Variants in ABCG5 observed in about 807,000 individuals in gnomAD.
The protein encoded by ABCG5 is ATP binding cassette subfamily G member 5.
In ABCG5, 64 loss-of-function variants were observed where a neutral mutation model predicts 64.5. That is an observed-to-expected ratio of 0.99 (90% CI 0.81 to 1.22). The LOEUF is 1.22. ABCG5 is among the 50% of genes most tolerant of loss of function. The pLI is 0.00. For missense variants in ABCG5, 908 were observed against 829.5 expected (o/e 1.09, Z -1.16); for synonymous variants, 385 against 326.3 (o/e 1.18, Z -1.94).
At chr2:43,806,636 T>C in the ABCG5 span, among the ~76,000 whole-genome samples, 3,305 of 152,270 alleles carry the variant, frequency 0.022, 83 homozygotes, top group African/African-American at 0.062. Flanking sequence ...GATTAACTGT[T>C]GTTGTTGATA....
the ABCG5 span, among the ~76,000 whole-genome samples, chr2:43,806,242 C>T: frequency 5.9e-5 from 9 of 152,202 alleles, no homozygotes; most frequent in South Asian, 1.2e-3. Context: ...TAAAATGAGA[C>T]GTTGTACAGA....
At chr2:43,809,902 G>C (rs1379509032), downstream of ABCG5, 5 of 1,424,778 alleles carry the variant, frequency 3.5e-6, no homozygotes, top group Non-Finnish European at 4.6e-6. Context: ...GGATTTCTTG[G>C]ACTAGTGCAT....
chr2:43,834,688 G>C (rs1668152604), intron 2 of ABCG5, among the ~76,000 whole-genome samples: 1 of 152,224 alleles, frequency 6.6e-6, no homozygotes, highest in African/African-American at 2.4e-5. Flanking sequence ...GGATCATAAG[G>C]TTAATGCCCT....
chr2:43,814,036 C>T (rs969796143), intron 12 of ABCG5, among the ~76,000 whole-genome samples: 6 of 152,060 alleles, frequency 3.9e-5, no homozygotes, highest in South Asian at 4.1e-4. Flanking sequence ...TTCTAATGGC[C>T]ATGAGGTCCT....
At chr2:43,823,639 G>A (rs1032965604) in intron 9 of ABCG5, among the ~76,000 whole-genome samples, 2 of 152,124 alleles carry the variant, frequency 1.3e-5, no homozygotes, top group African/African-American at 4.8e-5. Context: ...TAGGAGGAAT[G>A]ATCTTTTGAA....
Position 43,822,870 on chromosome 2 carries a change from T to G in ABCG5, c.1390A>C (p.Met464Leu). 6.2e-7 allele frequency: 1 copy of G among 1,614,144 alleles called. No individual in the cohort carries two copies. Among genetic ancestry groups the G allele is most frequent in the Non-Finnish European group, 8.5e-7 (1 of 1,180,026 alleles). The change falls in exon 10 of 13, where the codon ATG becomes CTG. Residue 464 changes from methionine to leucine, a missense_variant. Transcript: ENST00000405322. ...AGGACGTGCAGTGCATAGGCCAGCA[T>G]CATCTGCCACTTCTGGTAGAGGCCG... ...QDGLYQKWQMMLAYALHVLPF... is the reference protein window; with the variant it reads ...QDGLYQKWQMLLAYALHVLPF...
downstream of ABCG5, among the ~76,000 whole-genome samples, chr2:43,811,845 C>T (rs10180748): frequency 0.21 from 32,021 of 152,000 alleles, 3,860 homozygotes; most frequent in African/African-American, 0.31. Context: ...CCACCCGCCT[C>T]GGCCTCCCAA....
At position 43,819,938 on chromosome 2, in the gene ABCG5, C is replaced by G. The variant is rs1230669097; in HGVS notation, c.1626G>C (p.Val542=). 6.2e-7 allele frequency: 1 copy of G among 1,614,034 alleles called. No homozygotes were observed. Among genetic ancestry groups the G allele is most frequent in the Non-Finnish European group, 8.5e-7 (1 of 1,180,040 alleles). The change falls in exon 11 of 13, where the codon GTG becomes GTC. Residue 542 remains valine, a synonymous_variant. Coordinates refer to ENST00000405322, the MANE Select transcript of ABCG5 (RefSeq NM_022436.3). ...ACCTGAGGAATCCAGATCCAACAAGCACCCCCGCAATGGACAGCAGAGCCA... is the reference window on the plus strand; with the variant it reads ...ACCTGAGGAATCCAGATCCAACAAGGACCCCCGCAATGGACAGCAGAGCCA... ...SVVALLSIAG[V]LVGSGFLRNI... is the part of the protein sequence containing the mutation.
rs1667786953 is a variant in ABCG5 at position 43,828,715 on chromosome 2, C to A, written c.502-600G>T. ...GCATGGCGGCTTATGCCTGTAATCC[C>A]AGCACTTTGGGAGGTCGAGGTGGGT... On this transcript the variant is annotated intron_variant, in intron 4 of 12. Transcript: ENST00000405322. Among the ~76,000 whole-genome samples the A allele has an allele frequency of 1.3e-5, 2 of 151,622 alleles. 1 individual carries two copies. The highest frequency in any genetic ancestry group is 1.3e-4 in the Admixed American group (2 of 15,184).
intron 12 of ABCG5, among the ~76,000 whole-genome samples, chr2:43,813,650 A>G (rs1158992160): frequency 1.5e-5 from 2 of 129,430 alleles, no homozygotes; most frequent in Non-Finnish European, 3.3e-5. Flanking sequence ...TTGTCTTTGG[A>G]GTGGCCCTGA....
In ABCG5 at chr2:43,837,834, C is replaced by T. The variant is rs1453206674; in HGVS notation, c.265G>A (p.Gly89Ser). 4 of 1,613,690 alleles carry T rather than the reference C, an allele frequency of 2.5e-6. No homozygotes were observed. Among genetic ancestry groups the T allele is most frequent in the Non-Finnish European group, 3.4e-6 (4 of 1,179,852 alleles). ...TTAGAATCCTCCTTCCCAAGCTTAC[C>T]TGAGCTTCCTAGGATGCACATGATC... is the stretch of plus-strand genomic sequence containing the variant. ...GQIMCILGSS[G>S]SGKTTLLDAM... Residue 89 changes from glycine to serine, a missense_variant and splice_region_variant, in exon 2 of 13, where the codon GGC becomes AGC. Gly to Ser is a moderately conservative substitution (Grantham distance 56, BLOSUM62 0). Coordinates refer to ENST00000405322, the MANE Select transcript of ABCG5 (RefSeq NM_022436.3).
At chr2:43,822,478 G>GTC in intron 10 of ABCG5, 1 of 463,390 alleles carries the variant, frequency 2.2e-6, no homozygotes, top group Non-Finnish European at 2.8e-6. Context: ...CCTCCCCCAG[G>GTC]CCCCCCCCCA....
rs72873586 is a variant in ABCG5, at chr2:43,826,106, G to C, written c.774+276C>G. Among the ~76,000 whole-genome samples, 1,513 of 151,998 alleles carry C rather than the reference G, an allele frequency of 1.0e-2. 19 individuals are homozygous for C. Among genetic ancestry groups the C allele is most frequent in the African/African-American group, 0.035 (1,436 of 41,442 alleles). On this transcript the variant is annotated intron_variant, in intron 6 of 12. Coordinates refer to ENST00000405322, the MANE Select transcript of ABCG5 (RefSeq NM_022436.3). The stretch of plus-strand genomic sequence containing the variant: ...TCCTCTCACCTCAGCCTTCCAAGTA[G>C]CTGGGACCACAGATATGCACCACCA...
the ABCG5 span, among the ~76,000 whole-genome samples, chr2:43,807,034 A>G: frequency 3.3e-5 from 5 of 152,228 alleles, no homozygotes; most frequent in African/African-American, 1.2e-4. Context: ...AGCTGTAAAG[A>G]TACCCTAACA....
At chr2:43,836,400 A>G (rs921502809) in intron 2 of ABCG5, among the ~76,000 whole-genome samples, 1 of 152,192 alleles carries the variant, frequency 6.6e-6, no homozygotes, top group African/African-American at 2.4e-5. Context: ...GAAGAGAATA[A>G]CACAAGTAGA....
Position 43,819,917 on chromosome 2 carries a change from G to C in ABCG5, c.1647C>G (p.Leu549=). The change falls in exon 11 of 13, where the codon CTC becomes CTG. Residue 549 remains leucine (L), a splice_region_variant and synonymous_variant. Coordinates refer to ENST00000405322, the MANE Select transcript of ABCG5 (RefSeq NM_022436.3). ...TTTTTTGAATTATGATATCTTACCT[G>C]AGGAATCCAGATCCAACAAGCACCC... ...IAGVLVGSGF[L]RNIQEMPIPF... The C allele has an allele frequency of 1.2e-6, 2 of 1,614,058 alleles. No individual in the cohort carries two copies. Among genetic ancestry groups the C allele is most frequent in the Non-Finnish European group, 1.7e-6 (2 of 1,180,010 alleles).
At chr2:43,832,455 G>C in intron 2 of ABCG5, 1 of 329,634 alleles carries the variant, frequency 3.0e-6, no homozygotes, top group Non-Finnish European at 5.7e-6. Context: ...TCTTGGAAAC[G>C]TTTGGATCCT....
intron 9 of ABCG5, 150 bp downstream of exon 9, chr2:43,823,763 A>G (rs1005700233): frequency 3.7e-6 from 3 of 813,348 alleles, no homozygotes; most frequent in Admixed American, 2.8e-5. Context: ...TGGTAACTCA[A>G]TAGTTGCCTT....
At chr2:43,839,095 G>C (rs1415052353), upstream of ABCG5, 11 of 1,551,284 alleles carry the variant, frequency 7.1e-6, no homozygotes, top group Non-Finnish European at 9.6e-6. Flanking sequence ...TGCCGAAAGG[G>C]GCCACTCCCC....
Sources: allele counts gnomAD v4.1 joint callset (sites outside exome capture counted in the v4.1 genomes callset), GRCh38; gene constraint gnomAD v4.1.1; transcripts MANE v1.5; gene names NCBI Gene and HGNC (gene_info 2026-07-23, HGNC 2026-07-21).